The following PIK3C3 variants were observed in gnomAD, a reference collection of about 807,000 sequenced individuals.
PIK3C3 encodes the protein phosphatidylinositol 3-kinase catalytic subunit type 3.
In PIK3C3, 95 loss-of-function variants were observed where a neutral mutation model predicts 126.1. The ratio of observed to expected loss-of-function variants is 0.75; its 90% CI spans 0.64 to 0.89. PIK3C3 has a LOEUF of 0.89. Among genes scored for constraint, PIK3C3 ranks in the 40% least tolerant of loss-of-function variants. The probability of loss-of-function intolerance (pLI) is 0.00; values close to 1 mark genes in which losing one functional copy is unlikely to be tolerated. For missense variants in PIK3C3, 829 were observed against 1,063.2 expected (o/e 0.78, Z 3.06); for synonymous variants, 374 against 360.0 (o/e 1.04, Z -0.44).
intron 4 of PIK3C3, among the ~76,000 whole-genome samples, chr18:41,980,643 TTGTCTC>T (rs1981150232): frequency 2.6e-5 from 4 of 151,982 alleles, no homozygotes; most frequent in Admixed American, 1.3e-4. Context: ...TGATGAAACT[TTGTCTC>T]TGTAAATAAA....
intron 2 of PIK3C3, among the ~76,000 whole-genome samples, chr18:41,961,082 G>T (rs1390547030): frequency 6.6e-6 from 1 of 152,148 alleles, no homozygotes; most frequent in Non-Finnish European, 1.5e-5. Flanking sequence ...TGCTTTGATT[G>T]AAAGTGGTGT....
chr18:41,993,191 T>C, intron 6 of PIK3C3, 79 bp from the exon 7 acceptor site: 1 of 714,246 alleles, frequency 1.4e-6, no homozygotes, highest in Non-Finnish European at 2.3e-6. Context: ...AGAATTAAAA[T>C]ACATTGATGT....
At chr18:42,018,523 G>A (rs1157671905) in intron 12 of PIK3C3, among the ~76,000 whole-genome samples, 1 of 151,978 alleles carries the variant, frequency 6.6e-6, no homozygotes, top group African/African-American at 2.4e-5. Context: ...TTTTAAATTG[G>A]ATTTTTGGTG....
chr18:41,996,472 T>C (rs1222827862), intron 8 of PIK3C3, among the ~76,000 whole-genome samples, 166 bp from the exon 9 acceptor site: 1 of 152,184 alleles, frequency 6.6e-6, no homozygotes, highest in African/African-American at 2.4e-5. Flanking sequence ...TTTGGACACA[T>C]AATTATAACA....
chr18:41,993,367 G>GA (rs1981873869), intron 7 of PIK3C3, 26 bp downstream of exon 7: 1 of 1,468,070 alleles, frequency 6.8e-7, no homozygotes, highest in Admixed American at 1.7e-5. Flanking sequence ...ATTTTTTTAT[G>GA]AAAGTACTTT....
intron 4 of PIK3C3, among the ~76,000 whole-genome samples, chr18:41,973,833 T>C (rs1302790639): frequency 1.3e-5 from 2 of 152,098 alleles, no homozygotes; most frequent in East Asian, 3.9e-4. Flanking sequence ...GCTACCATTT[T>C]AAGAAAAAAA....
chr18:41,957,477 C>A, intron 1 of PIK3C3, 93 bp from the exon 2 acceptor site: 1 of 1,250,710 alleles, frequency 8.0e-7, no homozygotes, highest in Non-Finnish European at 1.1e-6. Context: ...TATGTACATG[C>A]TTAAAGCATA....
At chr18:42,013,635 A>C in intron 11 of PIK3C3, 39 bp downstream of exon 11, 1 of 1,432,238 alleles carries the variant, frequency 7.0e-7, no homozygotes, top group African/African-American at 1.4e-5. Flanking sequence ...CTAGTTTGTT[A>C]ATTTTTCCCT....
intron 16 of PIK3C3, among the ~76,000 whole-genome samples, chr18:42,035,717 A>C (rs1984020321): frequency 6.6e-6 from 1 of 152,182 alleles, no homozygotes. Flanking sequence ...TGGATTATGC[A>C]CTTCAGAAAA....
At chr18:42,055,270 G>T (rs1234123195) in intron 21 of PIK3C3, among the ~76,000 whole-genome samples, 1 of 152,080 alleles carries the variant, frequency 6.6e-6, no homozygotes, top group Non-Finnish European at 1.5e-5. Flanking sequence ...GCTCCTTTTC[G>T]CCTTTATAGA....
chr18:42,064,111 T>C (rs1985435388), intron 22 of PIK3C3, among the ~76,000 whole-genome samples: 1 of 152,220 alleles, frequency 6.6e-6, no homozygotes, highest in Non-Finnish European at 1.5e-5. Flanking sequence ...GAAGAGAAAC[T>C]GTTAGTTCCT....
chr18:41,988,896 C>G (rs1436952926), intron 5 of PIK3C3, among the ~76,000 whole-genome samples: 3 of 152,026 alleles, frequency 2.0e-5, no homozygotes, highest in African/African-American at 7.2e-5. Context: ...TCTTCTTAAA[C>G]TTAGATATCA....
chr18:42,075,786 G>A (rs1985949122), intron 24 of PIK3C3, among the ~76,000 whole-genome samples: 1 of 149,850 alleles, frequency 6.7e-6, no homozygotes, highest in African/African-American at 2.4e-5. Flanking sequence ...GTCACCAGCT[G>A]CATTAGCCCT....
intron 9 of PIK3C3, among the ~76,000 whole-genome samples, chr18:42,002,601 CTATGAA>C (rs1353203482): frequency 2.0e-5 from 3 of 152,152 alleles, no homozygotes; most frequent in African/African-American, 7.2e-5. Flanking sequence ...GCTTAGCTTT[CTATGAA>C]TATAATGGCT....
chr18:42,028,474 C>T (rs1461793507), intron 14 of PIK3C3, among the ~76,000 whole-genome samples: 1 of 152,204 alleles, frequency 6.6e-6, no homozygotes, highest in Non-Finnish European at 1.5e-5. Flanking sequence ...TAATCTGTGG[C>T]TTGCCGCAGA....
chr18:42,033,010 G>T (rs551077274), intron 15 of PIK3C3, among the ~76,000 whole-genome samples: 1 of 152,112 alleles, frequency 6.6e-6, no homozygotes, highest in East Asian at 1.9e-4. Context: ...CTTCCCAGTA[G>T]CATTGTAGTT....
intron 20 of PIK3C3, among the ~76,000 whole-genome samples, chr18:42,048,647 A>G (rs931277621): frequency 2.2e-4 from 33 of 152,192 alleles, no homozygotes; most frequent in African/African-American, 7.2e-4. Context: ...TAATTATGCC[A>G]TTGCTTAAGT....
At chr18:42,034,717 A>G (rs1351176514) in intron 16 of PIK3C3, among the ~76,000 whole-genome samples, 1 of 152,166 alleles carries the variant, frequency 6.6e-6, no homozygotes, top group South Asian at 2.1e-4. Flanking sequence ...TCAGCATCAT[A>G]CTGAAAGATC....
At chr18:42,079,760 C>T (rs1438001648) in intron 24 of PIK3C3, among the ~76,000 whole-genome samples, 2 of 152,276 alleles carry the variant, frequency 1.3e-5, no homozygotes, top group African/African-American at 4.8e-5. Flanking sequence ...GTTATTTAGA[C>T]TCCCTCGTAT....
Sources: gnomAD v4.1 joint callset for allele counts (sites outside exome capture counted in the v4.1 genomes callset) on GRCh38, gnomAD v4.1.1 for gene constraint, MANE v1.5 for transcripts, NCBI Gene and HGNC (gene_info 2026-07-23, HGNC 2026-07-21) for gene names.